STK39: variants seen among roughly 807,000 people sequenced by gnomAD.
STK39 encodes the protein serine/threonine kinase 39.
Under a neutral mutation model 77.8 loss-of-function variants are expected in STK39, and 20 were observed. The observed-to-expected ratio is 0.26, with a 90% CI of 0.18 to 0.37. The LOEUF is 0.37. Among genes scored for constraint, STK39 ranks in the 10% least tolerant of loss-of-function variants. The probability of loss-of-function intolerance (pLI) is 1.00; values close to 1 mark genes in which losing one functional copy is unlikely to be tolerated. For synonymous variants in STK39, 246 were observed against 234.1 expected (o/e 1.05, Z -0.47); for missense variants, 479 against 656.5 (o/e 0.73, Z 2.95).
rs773961147 is a variant in STK39 at position 168,182,105 on chromosome 2, AAAC to A, written c.209-18_209-16del. ...AGCTCCACTGCCTGCAATGAAATAA[AAAC>A]AACATCAGCGATCAAATGGCACACT... On this transcript the variant is annotated splice_polypyrimidine_tract_variant and intron_variant, in intron 1 of 17. Transcript: ENST00000355999. The A allele has an allele frequency of 5.0e-6, 8 of 1,607,478 alleles. No individual in the cohort carries two copies. The highest frequency in any genetic ancestry group is 3.3e-5 in the South Asian group (3 of 90,900).
intron 16 of STK39, among the ~76,000 whole-genome samples, chr2:168,007,458 T>C (rs1684160244): frequency 6.6e-6 from 1 of 152,082 alleles, no homozygotes; most frequent in Non-Finnish European, 1.5e-5. Context: ...CAAAACAGAT[T>C]AAAAATCCTG....
rs544697240 is a variant in STK39, at chr2:168,091,692, T to C, written c.1090-16461A>G. Among the ~76,000 whole-genome samples the C allele has an allele frequency of 4.6e-5, 7 of 152,270 alleles. No individual in the cohort carries two copies. The East Asian group carries it at 1.4e-3, about 29-fold the overall frequency. On this transcript the variant is annotated intron_variant, in intron 10 of 17. Transcript: ENST00000355999. ...TACTACATTCATTTTTGTTACCTTT[T>C]TTTTAATGAAAATGTTCATAAATGC... is the stretch of plus-strand genomic sequence containing the variant.
chr2:168,086,625 A>G (rs1686374167), intron 10 of STK39, among the ~76,000 whole-genome samples: 1 of 152,264 alleles, frequency 6.6e-6, no homozygotes, highest in South Asian at 2.1e-4. Context: ...TAATTTAATA[A>G]TGATAATTAA....
chr2:168,078,741 C>CA (rs56865790), intron 10 of STK39, among the ~76,000 whole-genome samples: 7,405 of 86,192 alleles, frequency 0.086, 420 homozygotes, highest in East Asian at 0.25. Flanking sequence ...TCCATCTGTC[C>CA]AAAAAAAAAA....
At chr2:168,159,440 G>T (rs187839625) in intron 5 of STK39, among the ~76,000 whole-genome samples, 3 of 152,050 alleles carry the variant, frequency 2.0e-5, no homozygotes, top group African/African-American at 7.2e-5. Context: ...CCTCATTTTT[G>T]TTCAGGCAGC....
At chr2:167,956,823 G>A (rs184579747) in intron 17 of STK39, among the ~76,000 whole-genome samples, 152 of 149,650 alleles carry the variant, frequency 1.0e-3, no homozygotes, top group Non-Finnish European at 1.3e-3. Context: ...AACAAGGAAG[G>A]GAGAAAAAAG....
chr2:167,957,534 T>C (rs189817819), intron 17 of STK39, among the ~76,000 whole-genome samples: 2 of 152,318 alleles, frequency 1.3e-5, no homozygotes, highest in Non-Finnish European at 2.9e-5. Flanking sequence ...TTCTCTCTCA[T>C]GTGTAGCTCT....
At position 168,065,773 on chromosome 2, in the gene STK39, G is replaced by A. The variant is rs562254273; in HGVS notation, c.1243-392C>T. Among the ~76,000 whole-genome samples, 17 of 152,190 alleles carry A rather than the reference G, an allele frequency of 1.1e-4. No homozygotes were observed. In the South Asian group the frequency reaches 1.5e-3, roughly 13 times the overall value. On this transcript the variant is annotated intron_variant, in intron 12 of 17. Transcript: ENST00000355999. ...TTGCATAATTTCATCTAAGGTTAAC[G>A]GACCCTCAATGAAAAGACGTTGGGG...
chr2:168,100,552 C>T (rs1202378700), intron 10 of STK39, among the ~76,000 whole-genome samples: 2 of 152,130 alleles, frequency 1.3e-5, no homozygotes, highest in Non-Finnish European at 2.9e-5. Flanking sequence ...GTGTGAGTCA[C>T]CTCACTCAGC....
intron 10 of STK39, among the ~76,000 whole-genome samples, chr2:168,119,234 T>C (rs1687343859): frequency 6.6e-6 from 1 of 152,194 alleles, no homozygotes; most frequent in Non-Finnish European, 1.5e-5. Flanking sequence ...ACCCATAATA[T>C]GCACGGTAAC....
At chr2:168,116,058 C>G (rs1687251180) in intron 10 of STK39, among the ~76,000 whole-genome samples, 1 of 152,172 alleles carries the variant, frequency 6.6e-6, no homozygotes, top group Admixed American at 6.5e-5. Flanking sequence ...TGGCTGGAGT[C>G]TATCTCAAGA....
intron 16 of STK39, among the ~76,000 whole-genome samples, chr2:167,974,200 T>C (rs1303791142): frequency 2.0e-5 from 3 of 152,182 alleles, no homozygotes; most frequent in African/African-American, 7.2e-5. Context: ...AAGCTAAGTC[T>C]TCCCCCTATC....
chr2:167,970,372 A>C (rs1405672477), intron 16 of STK39, among the ~76,000 whole-genome samples: 1 of 152,184 alleles, frequency 6.6e-6, no homozygotes, highest in African/African-American at 2.4e-5. Context: ...GAATACATGA[A>C]TATATGGAAA....
chr2:168,108,030 C>A (rs1687024588), intron 10 of STK39, among the ~76,000 whole-genome samples: 1 of 152,138 alleles, frequency 6.6e-6, no homozygotes, highest in African/African-American at 2.4e-5. Flanking sequence ...TTTCAAAAAC[C>A]CTGGCAAAAT....
chr2:168,166,591 A>G (rs1382961105), intron 3 of STK39, among the ~76,000 whole-genome samples: 2 of 152,234 alleles, frequency 1.3e-5, no homozygotes, highest in African/African-American at 4.8e-5. Context: ...CAATGAATTC[A>G]AAGTGCATTA....
intron 10 of STK39, among the ~76,000 whole-genome samples, chr2:168,128,238 C>G (rs916924832): frequency 1.3e-5 from 2 of 152,178 alleles, no homozygotes; most frequent in African/African-American, 4.8e-5. Context: ...AAGCTAATGG[C>G]TTTTGAACAG....
chr2:167,977,287 G>A (rs1180123870), intron 16 of STK39, among the ~76,000 whole-genome samples: 2 of 152,108 alleles, frequency 1.3e-5, no homozygotes, highest in African/African-American at 4.8e-5. Context: ...GTAATGGGAA[G>A]TGTCCAATAA....
At chr2:168,013,253 C>T (rs1684315870) in intron 15 of STK39, among the ~76,000 whole-genome samples, 1 of 152,170 alleles carries the variant, frequency 6.6e-6, no homozygotes, top group Non-Finnish European at 1.5e-5. Flanking sequence ...GCAACAGATA[C>T]ATTGTCTTAG....
chr2:167,974,693 G>T (rs1483430648), intron 16 of STK39, among the ~76,000 whole-genome samples: 1 of 152,174 alleles, frequency 6.6e-6, no homozygotes, highest in East Asian at 1.9e-4. Flanking sequence ...CCACGGTTAA[G>T]TGCTTAATGC....
Sources: allele counts gnomAD v4.1 joint callset (sites outside exome capture counted in the v4.1 genomes callset), GRCh38; gene constraint gnomAD v4.1.1; transcripts MANE v1.5; gene names NCBI Gene and HGNC (gene_info 2026-07-23, HGNC 2026-07-21).